BPIFB3: variants seen among roughly 807,000 people sequenced by gnomAD.
BPIFB3 encodes the protein BPI fold-containing family B member 3.
In BPIFB3, 49 loss-of-function variants were observed where a neutral mutation model predicts 53.1. That is an observed-to-expected ratio of 0.92 (90% CI 0.73 to 1.17). The LOEUF (loss-of-function observed/expected upper bound fraction) is 1.17. BPIFB3 is among the 50% of genes most tolerant of loss of function. The pLI, the probability that BPIFB3 is intolerant of heterozygous loss-of-function variation, is 0.00. For missense variants in BPIFB3, 628 were observed against 592.5 expected, an observed-to-expected ratio of 1.06 and a Z score of -0.62; for synonymous variants, 271 against 269.6, an observed-to-expected ratio of 1.01 and a Z score of -0.05.
At chr20:33,066,680 G>T in intron 8 of BPIFB3, 144 bp from the exon 10 acceptor site, 1 of 753,998 alleles carries the variant, frequency 1.3e-6, no homozygotes, top group South Asian at 1.6e-5. Flanking sequence ...CTAGCTGATA[G>T]AACAAACTTG....
intron 2 of BPIFB3, among the ~76,000 whole-genome samples, chr20:33,058,124 T>C (rs1181891507): frequency 2.0e-5 from 3 of 152,114 alleles, no homozygotes; most frequent in East Asian, 3.9e-4. Flanking sequence ...GAAACCAGTC[T>C]ATGGCTGGTG....
At chr20:33,071,864 T>A (rs1282334728) in intron 12 of BPIFB3, among the ~76,000 whole-genome samples, 1 of 152,206 alleles carries the variant, frequency 6.6e-6, no homozygotes. Flanking sequence ...AAGGCACTTC[T>A]TCCAAGCTCA....
chr20:33,061,633 C>T (rs1373390037), intron 4 of BPIFB3, 135 bp from the exon 6 acceptor site: 2 of 833,940 alleles, frequency 2.4e-6, no homozygotes, highest in East Asian at 2.7e-5. Flanking sequence ...ACTCAGGTCT[C>T]CAAAGCCGCA....
intron 11 of BPIFB3, among the ~76,000 whole-genome samples, chr20:33,071,033 C>T (rs1244235774): frequency 1.3e-5 from 2 of 152,096 alleles, no homozygotes; most frequent in Non-Finnish European, 2.9e-5. Flanking sequence ...GCGCCAAGGC[C>T]AGAGGTGGTG....
rs116104023 is a variant in BPIFB3, at chr20:33,072,038, G to A, written c.1261-66G>A. 5.7e-4 allele frequency: 884 copies of A among 1,548,676 alleles called. 2 individuals are homozygous for A. In the African/African-American group the frequency reaches 0.01, roughly 18 times the overall value. ...CCTGGGTTTCTCTCCCTGGGAACGG[G>A]ATGCTGCTGCCTGTAAAGCCACACC... On this transcript the variant is annotated intron_variant, in intron 12 of 14. Coordinates refer to ENST00000375494, the Ensembl canonical transcript of BPIFB3.
intron 4 of BPIFB3, among the ~76,000 whole-genome samples, chr20:33,061,288 T>C (rs1568993616): frequency 6.6e-6 from 1 of 152,158 alleles, no homozygotes; most frequent in Admixed American, 6.5e-5. Flanking sequence ...CTGCACCCCA[T>C]GGTCTCCAAA....
At chr20:33,067,825 C>T (rs1259577642) in intron 9 of BPIFB3, among the ~76,000 whole-genome samples, 11 of 152,134 alleles carry the variant, frequency 7.2e-5, no homozygotes, top group Admixed American at 6.6e-4. Flanking sequence ...CTTTAGAGCC[C>T]CATGTGGCTT....
At chr20:33,067,451 C>A (rs1489016876) in intron 9 of BPIFB3, among the ~76,000 whole-genome samples, 1 of 152,174 alleles carries the variant, frequency 6.6e-6, no homozygotes, top group Non-Finnish European at 1.5e-5. Flanking sequence ...TGGAAAGAGG[C>A]CTAGGGGCCT....
chr20:33,072,695 T>G, intron 13 of BPIFB3, 22 bp from the exon 15 acceptor site: 1 of 1,604,604 alleles, frequency 6.2e-7, no homozygotes, highest in Non-Finnish European at 8.5e-7. Flanking sequence ...TACCTTTGTT[T>G]TCAACGATTC....
At chr20:33,071,025 G>A (rs1210016638) in intron 11 of BPIFB3, among the ~76,000 whole-genome samples, 1 of 152,116 alleles carries the variant, frequency 6.6e-6, no homozygotes, top group Non-Finnish European at 1.5e-5. Flanking sequence ...AGACAAAGGC[G>A]CCAAGGCCAG....
In BPIFB3 at chr20:33,056,788, AG is replaced by A. The variant is rs1568992119; in HGVS notation, c.281+92del. 2.8e-6 allele frequency: 4 copies of A among 1,434,310 alleles called. No homozygotes were observed. The Admixed American group carries it at 7.5e-5, about 27-fold the overall frequency. 88.8% of individuals were successfully genotyped at this position (1,434,310 alleles called of 1,614,324 possible). A position where few individuals can be genotyped will look rare whatever the true frequency, so the allele number is the denominator to read the frequency against. ...ATTGTCTCTTTGTAATTTGTCCAAT[AG>A]GCAGTGAAGGTTGTGTGGGAGGGTT... On this transcript the variant is annotated intron_variant, in intron 2 of 14. Transcript: ENST00000375494.
At chr20:33,056,454 C>T in intron 1 of BPIFB3, 88 bp from the exon 3 acceptor site, 1 of 1,497,488 alleles carries the variant, frequency 6.7e-7, no homozygotes. Context: ...AAGAAGCCTA[C>T]TCAATCTCAG....
At chr20:33,062,717 G>A (rs1980508783) in intron 5 of BPIFB3, among the ~76,000 whole-genome samples, 3 of 152,172 alleles carry the variant, frequency 2.0e-5, no homozygotes, top group Non-Finnish European at 4.4e-5. Flanking sequence ...CCAGATTTCT[G>A]GCTTCTGTTT....
intron 2 of BPIFB3, among the ~76,000 whole-genome samples, chr20:33,058,734 A>T (rs1980318479): frequency 6.6e-6 from 1 of 151,980 alleles, no homozygotes. Context: ...CAGGGCAGTG[A>T]TGGAGGCAGC....
intron 1 of BPIFB3, among the ~76,000 whole-genome samples, 165 bp downstream of exon 2, chr20:33,055,712 C>G (rs953419167): frequency 6.6e-6 from 1 of 152,174 alleles, no homozygotes; most frequent in Non-Finnish European, 1.5e-5. Context: ...GAAAGTTTCC[C>G]TTGCAGGCTT....
At chr20:33,070,636 G>A (rs1465277373) in intron 11 of BPIFB3, among the ~76,000 whole-genome samples, 2 of 152,218 alleles carry the variant, frequency 1.3e-5, no homozygotes, top group Non-Finnish European at 2.9e-5. Flanking sequence ...GGAGATTGCT[G>A]AGACCTGACG....
chr20:33,064,501 G>T, exon 7 of BPIFB3: 1 of 1,614,032 alleles, frequency 6.2e-7, no homozygotes, highest in Non-Finnish European at 8.5e-7. Flanking sequence ...ATTCTCTCTG[G>T]CCACATTGCC....
In BPIFB3 at chr20:33,063,293, T is replaced by G. The variant is rs73262156; in HGVS notation, c.592-322T>G. Among the ~76,000 whole-genome samples, 1,019 of 152,266 alleles carry G rather than the reference T, an allele frequency of 6.7e-3. 12 individuals are homozygous for G. The highest frequency in any genetic ancestry group is 0.023 in the African/African-American group (953 of 41,546). On this transcript the variant is annotated intron_variant, in intron 5 of 14. Transcript: ENST00000375494. ...ATGGGGAACCAAAGCCGCTTTTGCC[T>G]CCTCAGGTGAAGGCCTTGTCCGCAT...
chr20:33,060,442 C>G (rs890931937), intron 4 of BPIFB3, among the ~76,000 whole-genome samples: 1 of 152,186 alleles, frequency 6.6e-6, no homozygotes, highest in African/African-American at 2.4e-5. Context: ...TTCTGGGCCC[C>G]CATGTCCCCA....
Sources: allele counts gnomAD v4.1 joint callset (sites outside exome capture counted in the v4.1 genomes callset), GRCh38; gene constraint gnomAD v4.1.1; transcripts MANE v1.5; gene names NCBI Gene and HGNC (gene_info 2026-07-23, HGNC 2026-07-21).